Variants in TBXAS1 observed in about 807,000 individuals in gnomAD.
The protein encoded by TBXAS1 is thromboxane-A synthase.
TBXAS1 carries 48 observed loss-of-function variants against 60.7 expected under a neutral mutation model. The observed-to-expected ratio is 0.79, with a 90% CI of 0.63 to 1.01. The LOEUF is 1.01. Ranked by LOEUF, TBXAS1 falls within the 50% of genes least tolerant of loss-of-function variation. The pLI is 0.00. For synonymous variants in TBXAS1, 287 were observed against 269.7 expected, an observed-to-expected ratio of 1.06 and a Z score of -0.63; for missense variants, 685 against 686.3, an observed-to-expected ratio of 1.00 and a Z score of 0.02.
chr7:140,001,512 C>G (rs940862153), intron 9 of TBXAS1, among the ~76,000 whole-genome samples: 1 of 152,182 alleles, frequency 6.6e-6, no homozygotes, highest in Non-Finnish European at 1.5e-5. Flanking sequence ...CTGCCTCAGC[C>G]TCCCAAGTAG....
At position 139,955,556 on chromosome 7, in the gene TBXAS1, T is replaced by A; in HGVS notation, c.637T>A (p.Cys213Ser). 6.2e-7 allele frequency: 1 copy of A among 1,614,218 alleles called. No homozygotes were observed. Among genetic ancestry groups the A allele is most frequent in the Non-Finnish European group, 8.5e-7 (1 of 1,180,028 alleles). ...CCCTGAGGATCCCTTTGTGAAACAC[T>A]GCAAGCGTTTCTTCGAATTCTGCAT... ...QAPEDPFVKH[C>S]KRFFEFCIPR... The change falls in exon 7 of 13, where the codon TGC becomes AGC. Residue 213 changes from cysteine to serine, a missense_variant. Cys to Ser is a moderately radical substitution (Grantham distance 112). Transcript: ENST00000448866.
In TBXAS1 at chr7:139,835,129, C is replaced by T. The variant is rs140912757; in HGVS notation, c.89+5650C>T. On this transcript the variant is annotated intron_variant, in intron 1 of 12. Transcript: ENST00000448866. ...TCGCCCAGGCTGGAGTGCAGTGGCG[C>T]GATCTCGGCTCACTGCAAGCTCTGC... is the stretch of plus-strand genomic sequence containing the variant. Among the ~76,000 whole-genome samples, 243 of 150,534 alleles carry T rather than the reference C, an allele frequency of 1.6e-3. 2 individuals are homozygous for T. The highest frequency in any genetic ancestry group is 4.8e-3 in the African/African-American group (196 of 40,804).
chr7:139,893,128 T>C (rs1455390731), intron 3 of TBXAS1, among the ~76,000 whole-genome samples: 3 of 152,266 alleles, frequency 2.0e-5, no homozygotes, highest in Middle Eastern at 3.4e-3. Context: ...ATATCTGGGC[T>C]TTTTATACCT....
At chr7:139,988,182 A>C (rs2117575185) in intron 9 of TBXAS1, among the ~76,000 whole-genome samples, 1 of 152,334 alleles carries the variant, frequency 6.6e-6, no homozygotes, top group Middle Eastern at 3.4e-3. Flanking sequence ...TAATTGCCAA[A>C]CTTTTAAACT....
intron 3 of TBXAS1, among the ~76,000 whole-genome samples, chr7:139,878,615 A>G (rs1569506342): frequency 6.6e-6 from 1 of 152,214 alleles, no homozygotes; most frequent in Admixed American, 6.5e-5. Context: ...GGGTTGAACC[A>G]ATCTAAATCG....
intron 1 of TBXAS1, among the ~76,000 whole-genome samples, chr7:139,871,326 G>T (rs149247851): frequency 6.6e-6 from 1 of 152,248 alleles, no homozygotes; most frequent in African/African-American, 2.4e-5. Flanking sequence ...CTTAAATTGT[G>T]ATTTGGCTGA....
chr7:139,992,953 C>T lies in TBXAS1; in HGVS notation c.1135-14138C>T, dbSNP rs574340237. 2.0e-5 allele frequency among the ~76,000 whole-genome samples: 3 copies of T among 152,268 alleles called. No homozygotes were observed. The South Asian group carries it at 6.2e-4, about 32-fold the overall frequency. ...TGGGAGGCCGAGGTGGGTGGATTAC[C>T]TGAGATCAGGAGTTTGAGACCAGCC... On this transcript the variant is annotated intron_variant, in intron 9 of 12. Coordinates refer to ENST00000448866, the MANE Select transcript of TBXAS1 (RefSeq NM_001061.7).
At chr7:139,830,640 C>G (rs1798641976) in intron 1 of TBXAS1, among the ~76,000 whole-genome samples, 1 of 152,046 alleles carries the variant, frequency 6.6e-6, no homozygotes, top group South Asian at 2.1e-4. Flanking sequence ...TACCCCCAGC[C>G]CCCAATAATC....
At chr7:139,911,465 C>T (rs1045607776) in intron 4 of TBXAS1, 144 bp downstream of exon 4, 51 of 766,220 alleles carry the variant, frequency 6.7e-5, no homozygotes, top group African/African-American at 1.2e-4. Flanking sequence ...TCAGTGAACT[C>T]GGTTTTTCAA....
At chr7:140,018,760 G>C (rs982807193) in intron 12 of TBXAS1, among the ~76,000 whole-genome samples, 1 of 152,212 alleles carries the variant, frequency 6.6e-6, no homozygotes, top group African/African-American at 2.4e-5. Flanking sequence ...TGATGGCAGG[G>C]ACCCAGTCTG....
At position 139,957,631 on chromosome 7, in the gene TBXAS1, A is replaced by G. The variant is rs2117348662; in HGVS notation, c.689-3A>G. The G allele has an allele frequency of 2.5e-6, 4 of 1,613,948 alleles. No homozygotes were observed. Among genetic ancestry groups the G allele is most frequent in the East Asian group, 4.5e-5 (2 of 44,864 alleles). On this transcript the variant is annotated splice_polypyrimidine_tract_variant and splice_region_variant and intron_variant, in intron 7 of 12. Coordinates refer to ENST00000448866, the MANE Select transcript of TBXAS1 (RefSeq NM_001061.7). ...AATGCCACTTTTGTTTTTCTCTTTC[A>G]AGTATCATTTCCATCCATAATGGTC... is the stretch of plus-strand genomic sequence containing the variant.
At chr7:140,000,873 A>G (rs1462882458) in intron 9 of TBXAS1, among the ~76,000 whole-genome samples, 2 of 152,224 alleles carry the variant, frequency 1.3e-5, no homozygotes, top group African/African-American at 4.8e-5. Flanking sequence ...CCGCCACTGA[A>G]TGTGTTCAAA....
chr7:139,991,235 T>C (rs1183109316), intron 9 of TBXAS1, among the ~76,000 whole-genome samples: 9 of 152,148 alleles, frequency 5.9e-5, no homozygotes, highest in African/African-American at 9.7e-5. Context: ...TTTTTGAAAA[T>C]TGCTTCAGCA....
In TBXAS1 at chr7:139,962,181, C is replaced by T; in HGVS notation, c.1082C>T (p.Pro361Leu). ...GCCACCTACCTACTGGCCACCAACC[C>T]TGACTGCCAAGAGAAGCTTCTGAGA... ...SFATYLLATN[P>L]DCQEKLLREV... The change falls in exon 9 of 13, where the codon CCT (proline) becomes CTT (leucine). Residue 361 changes from proline to leucine, a missense_variant. Pro to Leu is a moderately conservative substitution (Grantham distance 98). Transcript: ENST00000448866. 1 of 1,614,192 alleles carries T rather than the reference C, an allele frequency of 6.2e-7. No homozygotes were observed. Among genetic ancestry groups the T allele is most frequent in the Middle Eastern group, 1.7e-4 (1 of 6,060 alleles).
intron 4 of TBXAS1, among the ~76,000 whole-genome samples, chr7:139,793,052 G>A (rs1337700106): frequency 6.6e-6 from 1 of 152,032 alleles, no homozygotes; most frequent in Non-Finnish European, 1.5e-5. Flanking sequence ...ATCTACTATG[G>A]GAATGGTATA....
intron 4 of TBXAS1, among the ~76,000 whole-genome samples, chr7:139,813,074 TAAATAAAATA>T (rs56001115): frequency 0.4 from 56,801 of 142,654 alleles, 11,927 homozygotes; most frequent in East Asian, 0.65. Context: ...TAAAATAAAA[TAAATAAAATA>T]AAATAAAATA....
At chr7:140,016,105 G>GGCGA (rs1815025963) in intron 11 of TBXAS1, among the ~76,000 whole-genome samples, 8 of 152,238 alleles carry the variant, frequency 5.3e-5, no homozygotes, top group African/African-American at 1.9e-4. Context: ...AAGGTGGGCA[G>GGCGA]ATCACGAGGT....
chr7:140,007,580 G>C (rs1814192123), intron 10 of TBXAS1, among the ~76,000 whole-genome samples: 1 of 152,114 alleles, frequency 6.6e-6, no homozygotes, highest in East Asian at 1.9e-4. Flanking sequence ...ATATAAAACA[G>C]ATAAAAGTCC....
At chr7:140,000,318 A>G (rs1813582424) in intron 9 of TBXAS1, among the ~76,000 whole-genome samples, 1 of 152,144 alleles carries the variant, frequency 6.6e-6, no homozygotes, top group Admixed American at 6.6e-5. Flanking sequence ...TGGGCAACAT[A>G]GTGAGATGTC....
Sources: allele counts gnomAD v4.1 joint callset (sites outside exome capture counted in the v4.1 genomes callset), GRCh38; gene constraint gnomAD v4.1.1; transcripts MANE v1.5; gene names NCBI Gene and HGNC (gene_info 2026-07-23, HGNC 2026-07-21).